ZNF536: variants seen among roughly 807,000 people sequenced by gnomAD.
ZNF536 encodes zinc finger protein 536.
A neutral mutation model predicts 84.5 loss-of-function variants in ZNF536; 13 were observed. That is an observed-to-expected ratio of 0.15 (90% CI 0.10 to 0.24). The LOEUF is 0.24. Ranked by LOEUF, ZNF536 falls within the 10% of genes least tolerant of loss-of-function variation. The pLI, the probability that ZNF536 is intolerant of heterozygous loss-of-function variation, is 1.00. For synonymous variants in ZNF536, 811 were observed against 742.5 expected (o/e 1.09, Z -1.50); for missense variants, 1,536 against 1,747.5 (o/e 0.88, Z 2.16).
chr19:30,605,883 C>A (rs1268915836), intron 1 of ZNF536, among the ~76,000 whole-genome samples: 1 of 152,114 alleles, frequency 6.6e-6, no homozygotes, highest in Non-Finnish European at 1.5e-5. Flanking sequence ...CAGATAGGAG[C>A]CGTGCTGCTT....
At chr19:30,349,325 G>C (rs2047853539) in intron 2 of ZNF536, among the ~76,000 whole-genome samples, 1 of 152,204 alleles carries the variant, frequency 6.6e-6, no homozygotes. Context: ...GGTTCCAGAT[G>C]TTTATGGCCT....
chr19:30,347,089 A>C (rs1394608573), intron 2 of ZNF536, among the ~76,000 whole-genome samples: 1 of 145,500 alleles, frequency 6.9e-6, no homozygotes, highest in Middle Eastern at 3.6e-3. Flanking sequence ...TTCTCTAATG[A>C]TCAGCGATGT....
chr19:30,330,471 C>T (rs2047174710), intron 2 of ZNF536, among the ~76,000 whole-genome samples: 3 of 152,154 alleles, frequency 2.0e-5, no homozygotes. Context: ...TGAGAGGACA[C>T]TCGACTTTGG....
intron 2 of ZNF536, among the ~76,000 whole-genome samples, chr19:30,462,292 T>TGTG (rs1568455765): frequency 2.1e-5 from 3 of 144,096 alleles, no homozygotes; most frequent in African/African-American, 8.4e-5. Context: ...TCTTGTGATT[T>TGTG]TGTGTGTGTG....
chr19:30,386,853 A>G (rs2049363136), intron 1 of ZNF536, among the ~76,000 whole-genome samples: 1 of 152,206 alleles, frequency 6.6e-6, no homozygotes, highest in African/African-American at 2.4e-5. Context: ...CCTGCGTTTC[A>G]CAGAACACTT....
At chr19:30,310,104 C>T (rs975402503) in intron 2 of ZNF536, among the ~76,000 whole-genome samples, 4 of 152,106 alleles carry the variant, frequency 2.6e-5, no homozygotes, top group East Asian at 1.9e-4. Flanking sequence ...TTTAGTATAA[C>T]GTGTTTGCAT....
At chr19:30,479,619 A>G (rs770966100) in intron 2 of ZNF536, among the ~76,000 whole-genome samples, 1 of 152,188 alleles carries the variant, frequency 6.6e-6, no homozygotes, top group Non-Finnish European at 1.5e-5. Context: ...GCCCTCACGC[A>G]CACCCCACTT....
chr19:30,416,276 CT>C (rs1374621935), intron 1 of ZNF536, among the ~76,000 whole-genome samples: 1 of 129,878 alleles, frequency 7.7e-6, no homozygotes, highest in East Asian at 2.3e-4. Context: ...ATTAAATTAT[CT>C]TTGTCCTCTG....
intron 2 of ZNF536, among the ~76,000 whole-genome samples, chr19:30,494,550 G>A (rs1599578957): frequency 1.3e-5 from 2 of 152,224 alleles, no homozygotes; most frequent in East Asian, 3.9e-4. Flanking sequence ...TTCTAGTACT[G>A]GGTCAGCTCT....
At chr19:30,686,531 CGTGGCCCA>C (rs1000944863) in intron 1 of ZNF536, among the ~76,000 whole-genome samples, 1 of 152,210 alleles carries the variant, frequency 6.6e-6, no homozygotes, top group Admixed American at 6.5e-5. Flanking sequence ...ACCGTGGCAC[CGTGGCCCA>C]GTGGCCCAGT....
intron 2 of ZNF536, among the ~76,000 whole-genome samples, chr19:30,297,431 T>C (rs2046034325): frequency 6.6e-6 from 1 of 152,188 alleles, no homozygotes; most frequent in Admixed American, 6.5e-5. Context: ...CCTTGAAGGT[T>C]TTATTACTGA....
At chr19:30,242,832 T>A (rs576252292) in intron 1 of ZNF536, among the ~76,000 whole-genome samples, 5 of 152,382 alleles carry the variant, frequency 3.3e-5, no homozygotes, top group Admixed American at 1.3e-4. Flanking sequence ...GTTAACTTTT[T>A]AATTTTATTC....
intron 2 of ZNF536, among the ~76,000 whole-genome samples, chr19:30,307,966 G>T (rs2046390682): frequency 6.6e-6 from 1 of 152,148 alleles, no homozygotes; most frequent in Non-Finnish European, 1.5e-5. Context: ...CACAGTAATT[G>T]GCATGGAGGT....
intron 2 of ZNF536, among the ~76,000 whole-genome samples, chr19:30,319,314 T>C (rs1192766878): frequency 1.3e-5 from 2 of 152,248 alleles, no homozygotes; most frequent in Admixed American, 6.5e-5. Flanking sequence ...AATGTGACTA[T>C]CTTTTAATTT....
At chr19:30,421,538 T>A (rs2050957707) in intron 1 of ZNF536, among the ~76,000 whole-genome samples, 1 of 152,080 alleles carries the variant, frequency 6.6e-6, no homozygotes, top group Admixed American at 6.5e-5. Flanking sequence ...ATTTTTAAAT[T>A]TTTTGTAGAG....
At chr19:30,232,790 C>T (rs1164434884) in intron 1 of ZNF536, among the ~76,000 whole-genome samples, 1 of 152,182 alleles carries the variant, frequency 6.6e-6, no homozygotes, top group African/African-American at 2.4e-5. Flanking sequence ...TCAGGGCACT[C>T]GTGGGAGTCC....
chr19:30,565,793 G>A (rs56220659), intron 1 of ZNF536, among the ~76,000 whole-genome samples: 7,385 of 152,130 alleles, frequency 0.049, 252 homozygotes, highest in African/African-American at 0.088. Context: ...ACTCCAGGGG[G>A]CCCCTCTGAG....
chr19:30,235,732 C>CT (rs2023443658), intron 1 of ZNF536, among the ~76,000 whole-genome samples: 1 of 152,238 alleles, frequency 6.6e-6, no homozygotes, highest in Non-Finnish European at 1.5e-5. Context: ...CAGGCAATGT[C>CT]TTCCAAATTA....
chr19:30,250,976 A>C (rs747354241), intron 1 of ZNF536, among the ~76,000 whole-genome samples: 1 of 151,810 alleles, frequency 6.6e-6, no homozygotes, highest in African/African-American at 2.4e-5. Flanking sequence ...TGGTCTGTCC[A>C]TGATGTTACA....
Sources: gnomAD v4.1 joint callset for allele counts (sites outside exome capture counted in the v4.1 genomes callset) on GRCh38, gnomAD v4.1.1 for gene constraint, MANE v1.5 for transcripts, NCBI Gene and HGNC (gene_info 2026-07-23, HGNC 2026-07-21) for gene names.